The following ADAM10 variants were observed in gnomAD, a reference collection of about 807,000 sequenced individuals.
ADAM10 encodes the protein disintegrin and metalloproteinase domain-containing protein 10.
Under a neutral mutation model 90.1 loss-of-function variants are expected in ADAM10, and 17 were observed. The observed-to-expected ratio is 0.19, with a 90% CI of 0.13 to 0.28. The LOEUF is 0.28. ADAM10 is among the 10% of genes least tolerant of loss of function. The pLI is 1.00. For missense variants in ADAM10, 610 were observed against 914.3 expected (o/e 0.67, Z 4.29); for synonymous variants, 310 against 298.6 (o/e 1.04, Z -0.40).
In ADAM10 at chr15:58,640,873, C is replaced by T. The variant is rs764573813; in HGVS notation, c.916G>A (p.Glu306Lys). ...GVEKFLELNS[E>K]QNHDDYCLAY... The stretch of plus-strand genomic sequence containing the variant: ...AAACAGTAGTCATCATGATTCTGCT[C>T]AGAATTCAATTCCAGAAACTTCTCC... The change falls in exon 8 of 16, where the codon GAG (glutamate) becomes AAG (lysine). Residue 306 changes from glutamate to lysine, a missense_variant. By Grantham distance (56) the Glu-to-Lys change is moderately conservative. Around this residue, in one of 4 missense-constraint regions of ADAM10, gnomAD observed 97 missense variants for 221.4 expected, o/e 0.44. Transcript: ENST00000260408. The T allele has an allele frequency of 6.2e-7, 1 of 1,614,118 alleles. No individual in the cohort carries two copies. The highest frequency in any genetic ancestry group is 8.5e-7 in the Non-Finnish European group (1 of 1,179,990).
intron 4 of ADAM10, among the ~76,000 whole-genome samples, chr15:58,678,478 A>G (rs1194624027): frequency 1.3e-5 from 2 of 152,214 alleles, no homozygotes; most frequent in Non-Finnish European, 2.9e-5. Context: ...TATATAAATT[A>G]GAGAAATTTA....
intron 1 of ADAM10, among the ~76,000 whole-genome samples, chr15:58,720,083 G>A (rs1376401018): frequency 2.0e-5 from 3 of 152,168 alleles, no homozygotes; most frequent in African/African-American, 7.2e-5. Context: ...ATAACCACAT[G>A]AGCTAAGTAA....
chr15:58,743,523 G>A (rs906393382), intron 1 of ADAM10, among the ~76,000 whole-genome samples: 2 of 152,060 alleles, frequency 1.3e-5, no homozygotes, highest in Non-Finnish European at 2.9e-5. Flanking sequence ...CACAGTTGCT[G>A]TAACACAGCT....
At chr15:58,655,711 G>GTATATATATATA (rs1174017303) in intron 5 of ADAM10, among the ~76,000 whole-genome samples, 61 of 53,704 alleles carry the variant, frequency 1.1e-3, no homozygotes, top group Non-Finnish European at 1.6e-3. Flanking sequence ...TATATATATA[G>GTATATATATATA]TATATATATA....
At chr15:58,669,932 G>C (rs932489690) in intron 4 of ADAM10, among the ~76,000 whole-genome samples, 12 of 152,060 alleles carry the variant, frequency 7.9e-5, no homozygotes, top group African/African-American at 2.9e-4. Context: ...AACTAACCTA[G>C]AGATTAGTGC....
intron 14 of ADAM10, among the ~76,000 whole-genome samples, chr15:58,600,805 C>T (rs867155085): frequency 1.3e-5 from 2 of 152,138 alleles, no homozygotes; most frequent in Non-Finnish European, 2.9e-5. Context: ...AGCTTCAAAA[C>T]TGAACCTTTA....
At position 58,749,623 on chromosome 15, in the gene ADAM10, G is replaced by A. The variant is rs1899915668; in HGVS notation, c.-89C>T. Reference sequence around the variant, plus strand: ...GGGAGAAGCTGAAGGGGCTTGGTCCGGAGCCTCCACGGGAAGCCGGGACCT... The same window carrying A: ...GGGAGAAGCTGAAGGGGCTTGGTCCAGAGCCTCCACGGGAAGCCGGGACCT... On this transcript the variant is annotated 5_prime_UTR_variant, in exon 1 of 16. Transcript: ENST00000260408. The A allele has an allele frequency of 1.9e-6, 3 of 1,538,732 alleles. No homozygotes were observed. The highest frequency in any genetic ancestry group is 2.6e-6 in the Non-Finnish European group (3 of 1,139,632).
chr15:58,732,963 T>C (rs961157065), intron 1 of ADAM10: 2 of 152,496 alleles, frequency 1.3e-5, no homozygotes, highest in African/African-American at 4.8e-5. Context: ...GAATTCGTGA[T>C]GGAACAAGGC....
In ADAM10 at chr15:58,591,859, T is replaced by A. The variant is rs186310656; in HGVS notation, c.*5688A>T. On this transcript the variant is annotated 3_prime_UTR_variant, in exon 16 of 16. Coordinates refer to ENST00000260408, the MANE Select transcript of ADAM10 (RefSeq NM_001110.4). ...TAATTAAAAACCTTAATATCAAATA[T>A]CCACTTTTCACATTTTTCCAATGGT... The A allele has an allele frequency of 1.3e-5, 2 of 152,312 alleles. No individual in the cohort carries two copies. The highest frequency in any genetic ancestry group is 3.9e-4 in the East Asian group (2 of 5,186). 9.4% of individuals were successfully genotyped at this position (152,312 alleles called of 1,614,324 possible).
At chr15:58,717,811 ATATG>A in intron 1 of ADAM10, 84 bp from the exon 2 acceptor site, 4 of 1,533,988 alleles carry the variant, frequency 2.6e-6, no homozygotes, top group South Asian at 1.2e-5. Context: ...GTATCTATGA[ATATG>A]TATGAAACAA....
At chr15:58,656,788 T>TAA (rs1896839527) in intron 5 of ADAM10, among the ~76,000 whole-genome samples, 1 of 152,128 alleles carries the variant, frequency 6.6e-6, no homozygotes. Flanking sequence ...TACCAATGAG[T>TAA]TTTGTACCAT....
intron 11 of ADAM10, among the ~76,000 whole-genome samples, chr15:58,615,715 C>G (rs1895588795): frequency 1.3e-5 from 2 of 152,096 alleles, no homozygotes; most frequent in African/African-American, 4.8e-5. Context: ...AAGTCAAAAA[C>G]TGTGAAAAGA....
chr15:58,641,013 T>C (rs748298133), intron 7 of ADAM10, 53 bp from the exon 8 acceptor site: 8 of 1,495,530 alleles, frequency 5.3e-6, no homozygotes, highest in Non-Finnish European at 5.6e-6. Flanking sequence ...AGAGCTTTAG[T>C]GTGAATGTCT....
chr15:58,675,032 C>T (rs557297973), intron 4 of ADAM10, among the ~76,000 whole-genome samples: 1 of 152,312 alleles, frequency 6.6e-6, no homozygotes, highest in Non-Finnish European at 1.5e-5. Flanking sequence ...CCCGTCTCTA[C>T]TAAAAATACA....
chr15:58,734,556 C>T lies in ADAM10; in HGVS notation c.55+14924G>A, dbSNP rs114758933. Among the ~76,000 whole-genome samples, 982 of 151,946 alleles carry T rather than the reference C, an allele frequency of 6.5e-3. 18 individuals are homozygous for T. The highest frequency in any genetic ancestry group is 0.023 in the African/African-American group (935 of 41,438). On this transcript the variant is annotated intron_variant, in intron 1 of 15. Coordinates refer to ENST00000260408, the MANE Select transcript of ADAM10 (RefSeq NM_001110.4). ...CTCTACAACAAATACAAAAATCAGC[C>T]GGGCACGGTGGCATGCACCTGTCAT... is the stretch of plus-strand genomic sequence containing the variant.
At chr15:58,599,930 C>G (rs1895063826) in intron 14 of ADAM10, among the ~76,000 whole-genome samples, 1 of 151,968 alleles carries the variant, frequency 6.6e-6, no homozygotes. Context: ...AAATGGAAAT[C>G]ACCCATAATT....
chr15:58,605,709 G>T (rs1192640404), intron 14 of ADAM10, among the ~76,000 whole-genome samples: 1 of 152,082 alleles, frequency 6.6e-6, no homozygotes, highest in African/African-American at 2.4e-5. Flanking sequence ...AAACTTTAGG[G>T]ACAAAGAGAA....
At chr15:58,649,393 T>TA (rs1896629472) in intron 5 of ADAM10, among the ~76,000 whole-genome samples, 1 of 152,194 alleles carries the variant, frequency 6.6e-6, no homozygotes, top group South Asian at 2.1e-4. Context: ...ATTAGTGCTT[T>TA]GTAGTATACA....
intron 1 of ADAM10, among the ~76,000 whole-genome samples, chr15:58,742,211 C>T (rs1269338707): frequency 6.6e-6 from 1 of 152,184 alleles, no homozygotes; most frequent in Non-Finnish European, 1.5e-5. Flanking sequence ...TCACTGTATA[C>T]ATCTCACATT....
Sources: gnomAD v4.1 joint callset for allele counts (sites outside exome capture counted in the v4.1 genomes callset) on GRCh38, gnomAD v4.1.1 for gene constraint, gnomAD v4.1.1 regional missense constraint, MANE v1.5 for transcripts, NCBI Gene and HGNC (gene_info 2026-07-23, HGNC 2026-07-21) for gene names.